IP6K1: variants seen among roughly 807,000 people sequenced by gnomAD.
The protein encoded by IP6K1 is ATP:1D-myo-inositol-hexakisphosphate phosphotransferase.
Under a neutral mutation model 38.3 loss-of-function variants are expected in IP6K1, and 13 were observed. The ratio of observed to expected loss-of-function variants is 0.34; its 90% CI spans 0.22 to 0.54. The LOEUF (loss-of-function observed/expected upper bound fraction) is 0.54, where lower values mean the gene tolerates loss of function less well. Ranked by LOEUF, IP6K1 falls within the 20% of genes least tolerant of loss-of-function variation. IP6K1 has a pLI of 0.92. For missense variants in IP6K1, 397 were observed against 599.8 expected (o/e 0.66, Z 3.53); for synonymous variants, 212 against 229.9 (o/e 0.92, Z 0.70).
chr3:49,754,925 T>TC (rs2080809103), intron 1 of IP6K1, among the ~76,000 whole-genome samples: 1 of 53,418 alleles, frequency 1.9e-5, no homozygotes, highest in Admixed American at 2.4e-4. Flanking sequence ...TGATATGCAA[T>TC]CTTTTTTTTT....
rs552734564 is a variant in IP6K1 at position 49,771,425 on chromosome 3, A to G, written c.-129+14929T>C. Among the ~76,000 whole-genome samples the G allele has an allele frequency of 2.6e-5, 4 of 152,292 alleles. No homozygotes were observed. In the East Asian group the frequency reaches 7.7e-4, roughly 29 times the overall value. On this transcript the variant is annotated intron_variant, in intron 1 of 5. Transcript: ENST00000321599. ...CATACTTCACAAACGAAGATACACAAAGACCATTAAGTACAGGAAAAGGTG... is the reference window on the plus strand; with the variant it reads ...CATACTTCACAAACGAAGATACACAGAGACCATTAAGTACAGGAAAAGGTG...
chr3:49,725,650 C>T lies in IP6K1; in HGVS notation c.*1472G>A, dbSNP rs150149795. 5.5e-4 allele frequency: 84 copies of T among 152,840 alleles called. No individual in the cohort carries two copies. The highest frequency in any genetic ancestry group is 1.7e-3 in the African/African-American group (70 of 41,586). The allele number at this position is 152,840 out of a possible 1,614,324, so 9.5% of individuals were successfully genotyped here. ...TAGGCTCAAAGGAGAGGGTGCTAACCTTGGCAATGGCTGAAATCGGTGTCA... is the reference window on the plus strand; with the variant it reads ...TAGGCTCAAAGGAGAGGGTGCTAACTTTGGCAATGGCTGAAATCGGTGTCA... On this transcript the variant is annotated 3_prime_UTR_variant, in exon 6 of 6. Transcript: ENST00000321599.
intron 1 of IP6K1, among the ~76,000 whole-genome samples, chr3:49,781,218 C>T (rs1043395202): frequency 5.3e-5 from 8 of 152,090 alleles, no homozygotes; most frequent in Non-Finnish European, 2.9e-5. Flanking sequence ...CCCGCCACCA[C>T]GCCTGACTAA....
chr3:49,779,653 T>G (rs2081048450), intron 1 of IP6K1, among the ~76,000 whole-genome samples: 1 of 152,162 alleles, frequency 6.6e-6, no homozygotes, highest in Admixed American at 6.6e-5. Flanking sequence ...GTAAGTTGTT[T>G]AATGATTGTT....
chr3:49,728,902 A>G (rs954196018), intron 4 of IP6K1, among the ~76,000 whole-genome samples: 7 of 151,860 alleles, frequency 4.6e-5, no homozygotes, highest in Non-Finnish European at 7.4e-5. Context: ...CCAAAATGAA[A>G]AGAGATCCTC....
At position 49,775,452 on chromosome 3, in the gene IP6K1, C is replaced by T. The variant is rs2080999007; in HGVS notation, c.-129+10902G>A. 4 of 492,464 alleles carry T rather than the reference C, an allele frequency of 8.1e-6. 1 individual carries two copies. The highest frequency in any genetic ancestry group is 6.5e-4 in the Middle Eastern group (2 of 3,062). 30.5% of individuals were successfully genotyped at this position (492,464 alleles called of 1,614,324 possible). A position where few individuals can be genotyped will look rare whatever the true frequency, so the allele number is the denominator to read the frequency against. On this transcript the variant is annotated intron_variant, in intron 1 of 5. Coordinates refer to ENST00000321599, the MANE Select transcript of IP6K1 (RefSeq NM_153273.4). ...TAACTACGTATCTTAGCAGGGGTGC[C>T]GTGTGATCTGTGGAGGCCCTGGGGT...
At chr3:49,752,616 A>G (rs1057282563) in intron 1 of IP6K1, among the ~76,000 whole-genome samples, 4 of 151,780 alleles carry the variant, frequency 2.6e-5, no homozygotes, top group Admixed American at 1.3e-4. Context: ...TCCACTTCCC[A>G]GGTTCAAGTG....
intron 1 of IP6K1, among the ~76,000 whole-genome samples, chr3:49,748,435 TTTTA>T (rs2080743454): frequency 6.6e-6 from 1 of 152,204 alleles, no homozygotes; most frequent in Non-Finnish European, 1.5e-5. Flanking sequence ...ATCTAAAGGA[TTTTA>T]TTTTAGAGCT....
Position 49,732,953 on chromosome 3 carries a change from G to A in IP6K1, c.454C>T (p.Pro152Ser), listed in dbSNP as rs2080576801. 6.2e-7 allele frequency: 1 copy of A among 1,613,204 alleles called. No individual in the cohort carries two copies. Among genetic ancestry groups the A allele is most frequent in the Admixed American group, 1.7e-5 (1 of 59,924 alleles). ...GAGTGGCTGTGCAGCTCCACCTTCG[G>A]ACTCTTTGCCTCCTGTGAGCTAAGA... ...TSESSQEAKSPKVELHSHSEV... is the reference protein window; with the variant it reads ...TSESSQEAKSSKVELHSHSEV... Residue 152 changes from proline (P) to serine (S), a missense_variant, in exon 4 of 6, where the codon CCG becomes TCG. By Grantham distance (74) the Pro-to-Ser change is moderately conservative (BLOSUM62 -1). This residue lies in a region of IP6K1 where 171 missense variants were observed against 237.0 expected (regional missense o/e 0.72). Coordinates refer to ENST00000321599, the MANE Select transcript of IP6K1 (RefSeq NM_153273.4).
chr3:49,729,752 C>CA (rs915968745), intron 4 of IP6K1, among the ~76,000 whole-genome samples: 1 of 150,562 alleles, frequency 6.6e-6, no homozygotes, highest in African/African-American at 2.4e-5. Flanking sequence ...TTTTTTGAGA[C>CA]AGAGTCTCAC....
chr3:49,751,049 C>A (rs924487813), intron 1 of IP6K1, among the ~76,000 whole-genome samples: 1 of 152,176 alleles, frequency 6.6e-6, no homozygotes, highest in Non-Finnish European at 1.5e-5. Flanking sequence ...CTCCAAGTCT[C>A]CTCACACTCC....
rs2080500183 is a variant in IP6K1, at chr3:49,726,182, GGCT to G, written c.*937_*939del. 6.5e-6 allele frequency: 1 copy of G among 152,696 alleles called. No individual in the cohort carries two copies. Among genetic ancestry groups the G allele is most frequent in the South Asian group, 2.1e-4 (1 of 4,834 alleles). 9.5% of individuals were successfully genotyped at this position (152,696 alleles called of 1,614,324 possible). Reference sequence around the variant, plus strand: ...CCAGGGCCAAGAGCGCCTCACAAAGGGCTGCTGCCTTGAACTTGGCCTGGGGAA... The same window carrying G: ...CCAGGGCCAAGAGCGCCTCACAAAGGGCTGCCTTGAACTTGGCCTGGGGAA... On this transcript the variant is annotated 3_prime_UTR_variant, in exon 6 of 6. Coordinates refer to ENST00000321599, the MANE Select transcript of IP6K1 (RefSeq NM_153273.4).
intron 1 of IP6K1, among the ~76,000 whole-genome samples, chr3:49,755,982 T>C (rs1166000899): frequency 6.6e-6 from 1 of 152,198 alleles, no homozygotes; most frequent in Non-Finnish European, 1.5e-5. Flanking sequence ...GTGTTCTTCA[T>C]GTAAGTAGGG....
At chr3:49,772,241 ATG>A (rs1189313550) in intron 1 of IP6K1, among the ~76,000 whole-genome samples, 6 of 141,190 alleles carry the variant, frequency 4.2e-5, no homozygotes, top group Admixed American at 7.1e-5. Context: ...ATATATATAT[ATG>A]TGTGTGTGTG....
intron 2 of IP6K1, among the ~76,000 whole-genome samples, chr3:49,744,401 C>CAAA (rs56916226): frequency 1.3e-4 from 10 of 76,176 alleles, no homozygotes; most frequent in African/African-American, 1.7e-4. Flanking sequence ...GACTCCGTCT[C>CAAA]AAAAAAAAAA....
At chr3:49,758,314 CAAAAAAAAAAAA>C (rs11359274) in intron 1 of IP6K1, among the ~76,000 whole-genome samples, 1 of 54,404 alleles carries the variant, frequency 1.8e-5, no homozygotes, top group South Asian at 8.9e-4. Context: ...GACTCCATCT[CAAAAAAAAAAAA>C]AAAAAAAAAA....
chr3:49,734,538 GGT>G (rs1228971180), intron 3 of IP6K1, among the ~76,000 whole-genome samples: 1 of 149,192 alleles, frequency 6.7e-6, no homozygotes, highest in Non-Finnish European at 1.5e-5. Context: ...CACCAGGGCT[GGT>G]GTGTGCTGGA....
chr3:49,734,127 C>A (rs2080585820), intron 3 of IP6K1, among the ~76,000 whole-genome samples: 1 of 151,950 alleles, frequency 6.6e-6, no homozygotes, highest in African/African-American at 2.4e-5. Flanking sequence ...AACAGATAGA[C>A]CATGTCTTAA....
rs114128877 is a variant in IP6K1, at chr3:49,786,100, G to A, written c.-129+254C>T. On this transcript the variant is annotated intron_variant, in intron 1 of 5. Coordinates refer to ENST00000321599, the MANE Select transcript of IP6K1 (RefSeq NM_153273.4). ...AGCGGAGTCCAGAGCTTCGGTCAGA[G>A]AAGCTGGTTTCCCGCTACTAGCCGG... 525 of 152,448 alleles carry A rather than the reference G, an allele frequency of 3.4e-3. 1 individual carries two copies. Among genetic ancestry groups the A allele is most frequent in the Admixed American group, 5.9e-3 (91 of 15,306 alleles). 9.4% of individuals were successfully genotyped at this position (152,448 alleles called of 1,614,324 possible). A position where few individuals can be genotyped will look rare whatever the true frequency, so the allele number is the denominator to read the frequency against.
Sources: gnomAD v4.1 joint callset for allele counts (sites outside exome capture counted in the v4.1 genomes callset) on GRCh38, gnomAD v4.1.1 for gene constraint, gnomAD v4.1.1 regional missense constraint, MANE v1.5 for transcripts, NCBI Gene and HGNC (gene_info 2026-07-23, HGNC 2026-07-21) for gene names.